Variants in CSMD1 observed in about 807,000 individuals in gnomAD.
CSMD1 encodes CUB and Sushi multiple domains 1.
CSMD1 carries 213 observed loss-of-function variants against 417.5 expected under a neutral mutation model. That is an observed-to-expected ratio of 0.51 (90% CI 0.46 to 0.57). The LOEUF is 0.57. CSMD1 is among the 20% of genes least tolerant of loss of function. The probability of loss-of-function intolerance (pLI) is 0.00; values close to 1 mark genes in which losing one functional copy is unlikely to be tolerated. For missense variants in CSMD1, 6,923 were observed against 4,529.7 expected (o/e 1.53, Z -15.17); for synonymous variants, 2,862 against 1,736.8 (o/e 1.65, Z -16.11).
At chr8:4,643,997 A>G (rs1334837763) in intron 1 of CSMD1, among the ~76,000 whole-genome samples, 1 of 152,150 alleles carries the variant, frequency 6.6e-6, no homozygotes, top group Non-Finnish European at 1.5e-5. Flanking sequence ...TTTACTCCCA[A>G]ACACTTATGG....
intron 10 of CSMD1, among the ~76,000 whole-genome samples, chr8:3,497,183 G>C (rs1003000466): frequency 1.1e-4 from 16 of 152,092 alleles, no homozygotes; most frequent in African/African-American, 3.4e-4. Flanking sequence ...TATAGTTTAA[G>C]TTTAACACTT....
At chr8:3,313,694 T>C (rs998972425) in intron 23 of CSMD1, among the ~76,000 whole-genome samples, 3 of 152,164 alleles carry the variant, frequency 2.0e-5, no homozygotes, top group African/African-American at 4.8e-5. Context: ...AGTTCAACCA[T>C]TGTGGAAGTC....
chr8:4,939,378 C>G (rs1279242120), intron 1 of CSMD1, among the ~76,000 whole-genome samples: 1 of 152,128 alleles, frequency 6.6e-6, no homozygotes, highest in Non-Finnish European at 1.5e-5. Context: ...TCATTAATAG[C>G]CAAGCTATGG....
At chr8:4,373,672 C>T (rs11136736) in intron 3 of CSMD1, among the ~76,000 whole-genome samples, 108,899 of 152,096 alleles carry the variant, frequency 0.72, 39,936 homozygotes, top group African/African-American at 0.89. Context: ...TTTAATGAAA[C>T]GTTTCACTTT....
At chr8:4,784,051 T>A (rs892239535) in intron 1 of CSMD1, among the ~76,000 whole-genome samples, 5 of 152,334 alleles carry the variant, frequency 3.3e-5, no homozygotes, top group Admixed American at 3.3e-4. Flanking sequence ...ATTTGTAAAC[T>A]TTAACATATT....
chr8:3,192,580 G>C (rs1488000392), intron 33 of CSMD1, among the ~76,000 whole-genome samples: 1 of 152,174 alleles, frequency 6.6e-6, no homozygotes, highest in Non-Finnish European at 1.5e-5. Flanking sequence ...GATTTATGTA[G>C]CCTGGAGAGA....
intron 1 of CSMD1, among the ~76,000 whole-genome samples, chr8:4,909,461 A>T (rs1034838113): frequency 1.3e-5 from 2 of 152,170 alleles, no homozygotes; most frequent in Non-Finnish European, 2.9e-5. Flanking sequence ...ACATGGAAGT[A>T]ACACCCTTCC....
chr8:3,524,247 A>C (rs1021815652), intron 10 of CSMD1, among the ~76,000 whole-genome samples: 3 of 151,460 alleles, frequency 2.0e-5, no homozygotes, highest in Admixed American at 1.3e-4. Context: ...ATACACACCC[A>C]GAGACATACA....
intron 6 of CSMD1, among the ~76,000 whole-genome samples, chr8:3,735,808 C>A (rs1489212078): frequency 6.6e-6 from 1 of 152,172 alleles, no homozygotes; most frequent in Non-Finnish European, 1.5e-5. Flanking sequence ...GCCAATTACA[C>A]TTTCTATCAG....
chr8:3,738,812 G>C (rs34483369), intron 6 of CSMD1, among the ~76,000 whole-genome samples: 141,951 of 152,214 alleles, frequency 0.93, 67,019 homozygotes, highest in Non-Finnish European at 1. Flanking sequence ...GCTCACACGC[G>C]TGACACCATG....
intron 3 of CSMD1, among the ~76,000 whole-genome samples, chr8:4,260,473 G>C (rs555810357): frequency 1.3e-5 from 2 of 152,084 alleles, no homozygotes; most frequent in Non-Finnish European, 2.9e-5. Flanking sequence ...AGTGAACATT[G>C]TTCACCTGAA....
intron 3 of CSMD1, among the ~76,000 whole-genome samples, chr8:4,036,791 T>A (rs1385698435): frequency 6.6e-6 from 1 of 152,250 alleles, no homozygotes; most frequent in Non-Finnish European, 1.5e-5. Context: ...ACTATTTCAT[T>A]ATAACATGGA....
At chr8:4,786,799 G>C (rs981532508) in intron 1 of CSMD1, among the ~76,000 whole-genome samples, 3 of 150,946 alleles carry the variant, frequency 2.0e-5, no homozygotes, top group South Asian at 2.1e-4. Context: ...ACATAGATTT[G>C]TCAATTAATC....
intron 12 of CSMD1, among the ~76,000 whole-genome samples, chr8:3,468,253 G>A (rs546707100): frequency 6.6e-6 from 1 of 152,300 alleles, no homozygotes; most frequent in Non-Finnish European, 1.5e-5. Context: ...TTGTAAAGTT[G>A]TAAACTAGCT....
intron 26 of CSMD1, among the ~76,000 whole-genome samples, chr8:3,253,432 G>A (rs1800418783): frequency 6.6e-6 from 1 of 152,138 alleles, no homozygotes; most frequent in South Asian, 2.1e-4. Context: ...ATTTGCTGAG[G>A]AGTGCTTTAC....
intron 3 of CSMD1, among the ~76,000 whole-genome samples, chr8:4,363,921 G>A (rs560259570): frequency 6.6e-6 from 1 of 152,274 alleles, no homozygotes; most frequent in Non-Finnish European, 1.5e-5. Flanking sequence ...AGGGCAGGGG[G>A]GAGATGAAAA....
chr8:4,593,820 T>G (rs1385020146), intron 2 of CSMD1, among the ~76,000 whole-genome samples: 1 of 152,202 alleles, frequency 6.6e-6, no homozygotes, highest in Admixed American at 6.5e-5. Flanking sequence ...AAAAAGCTTC[T>G]AGAGAATGGA....
chr8:4,621,445 A>C (rs1312646883), intron 2 of CSMD1, among the ~76,000 whole-genome samples: 2 of 152,162 alleles, frequency 1.3e-5, no homozygotes, highest in African/African-American at 2.4e-5. Flanking sequence ...CTACACATTT[A>C]AAAAGCAGAG....
chr8:4,943,232 A>G (rs1808137968), intron 1 of CSMD1, among the ~76,000 whole-genome samples: 1 of 152,180 alleles, frequency 6.6e-6, no homozygotes, highest in Non-Finnish European at 1.5e-5. Context: ...GCAGTGGCTC[A>G]TGCTTGTAAT....
Sources: gnomAD v4.1 joint callset for allele counts (sites outside exome capture counted in the v4.1 genomes callset) on GRCh38, gnomAD v4.1.1 for gene constraint, MANE v1.5 for transcripts, NCBI Gene and HGNC (gene_info 2026-07-23, HGNC 2026-07-21) for gene names.